The following DCST2 variants were observed in gnomAD, a reference collection of about 807,000 sequenced individuals.
The protein encoded by DCST2 is DC-STAMP domain containing 2.
A neutral mutation model predicts 81.8 loss-of-function variants in DCST2; 64 were observed. The observed-to-expected ratio is 0.78, with a 90% CI of 0.64 to 0.96. DCST2 has a LOEUF of 0.96. Ranked by LOEUF, DCST2 falls within the 40% of genes least tolerant of loss-of-function variation. The pLI is 0.00. For missense variants in DCST2, 945 were observed against 1,001.4 expected (o/e 0.94, Z 0.76); for synonymous variants, 354 against 402.6 (o/e 0.88, Z 1.44).
intron 3 of DCST2, among the ~76,000 whole-genome samples, chr1:155,032,298 C>CA (rs1302077872): frequency 1.4e-5 from 2 of 141,818 alleles, no homozygotes; most frequent in Non-Finnish European, 3.1e-5. Flanking sequence ...GGCCCCCCCG[C>CA]TTTTTTTTTT....
intron 1 of DCST2, 35 bp from the exon 2 acceptor site, chr1:155,033,299 A>G (rs772076442): frequency 1.3e-6 from 2 of 1,595,638 alleles, no homozygotes; most frequent in South Asian, 2.3e-5. Flanking sequence ...CCAAGACCCC[A>G]GCCCCAAACA....
At chr1:155,027,842 C>T (rs1016017218) in intron 8 of DCST2, among the ~76,000 whole-genome samples, 3 of 151,528 alleles carry the variant, frequency 2.0e-5, no homozygotes, top group South Asian at 2.1e-4. Context: ...GGATTACAGG[C>T]GTGAGCCACC....
At chr1:155,026,870 C>T in intron 8 of DCST2, 155 bp from the exon 9 acceptor site, 1 of 849,210 alleles carries the variant, frequency 1.2e-6, no homozygotes, top group Non-Finnish European at 1.8e-6. Context: ...CTCATGGTGC[C>T]CTGGGGCCTG....
chr1:155,028,348 T>G (rs1659970914), intron 8 of DCST2, among the ~76,000 whole-genome samples: 1 of 152,152 alleles, frequency 6.6e-6, no homozygotes, highest in African/African-American at 2.4e-5. Flanking sequence ...ACCAACACTT[T>G]GGAAGGCTGA....
intron 8 of DCST2, 75 bp from the exon 9 acceptor site, chr1:155,026,790 GA>G (rs956586700): frequency 2.5e-5 from 39 of 1,573,632 alleles, no homozygotes; most frequent in Non-Finnish European, 3.3e-5. Context: ...CTGGAATGAG[GA>G]AAGTGGAGCA....
At position 155,031,683 on chromosome 1, in the gene DCST2, T is replaced by G. The variant is rs1660089035; in HGVS notation, c.630A>C (p.Ala210=). ...SELGNPYLKC[A]RVFDDAKDSC... is the part of the protein sequence containing the mutation. ...TGTCCTTGGCATCATCGAAAACCCG[T>G]GCACACTTCAGGTAAGGGTTGCCCA... The change falls in exon 4 of 15, where the codon GCA becomes GCC. Residue 210 remains alanine, a synonymous_variant. Transcript: ENST00000368424. 15 of 1,614,072 alleles carry G rather than the reference T, an allele frequency of 9.3e-6. No homozygotes were observed. Among genetic ancestry groups the G allele is most frequent in the Non-Finnish European group, 1.3e-5 (15 of 1,180,056 alleles).
chr1:155,020,700 C>T (rs1246886520), intron 14 of DCST2, among the ~76,000 whole-genome samples: 1 of 152,142 alleles, frequency 6.6e-6, no homozygotes, highest in East Asian at 1.9e-4. Context: ...ACCCCTCAAC[C>T]CATCATGACA....
intron 10 of DCST2, among the ~76,000 whole-genome samples, chr1:155,025,102 G>A (rs12072336): frequency 2.2e-3 from 323 of 147,882 alleles, no homozygotes; most frequent in African/African-American, 7.6e-3. Context: ...AGCCGAGATC[G>A]TGTCATTGCA....
rs763088650 is a variant in DCST2, at chr1:155,030,480, G to C, written c.971C>G (p.Ala324Gly). 3 of 1,613,936 alleles carry C rather than the reference G, an allele frequency of 1.9e-6. No homozygotes were observed. In the Admixed American group the frequency reaches 5.0e-5, roughly 27 times the overall value. Reference protein sequence around the residue: ...MKLHRVREALALMGFTTPLLL... With the variant: ...MKLHRVREALGLMGFTTPLLL... Reference sequence around the variant, plus strand: ...CAGAGGCGTGGTGAAGCCCATCAGAGCCAGGGCCTCTCGGACACGGTGCAG... The same window carrying C: ...CAGAGGCGTGGTGAAGCCCATCAGACCCAGGGCCTCTCGGACACGGTGCAG... The change falls in exon 6 of 15, where the codon GCT (alanine) becomes GGT (glycine). Residue 324 changes from alanine (A) to glycine (G), a missense_variant. Physicochemically the swap from Ala to Gly is moderately conservative, Grantham distance 60. Coordinates refer to ENST00000368424, the MANE Select transcript of DCST2 (RefSeq NM_144622.3).
Position 155,023,155 on chromosome 1 carries a change from G to C in DCST2, c.2067C>G (p.Leu689=). ...WLLQQQLQEV[L]GRSLSMESTS... is the part of the protein sequence containing the mutation. ...TGGACTCCATTGAGAGGCTCCTGCC[G>C]AGCACTTCTTGGAGCTGTTGCTGCA... The change falls in exon 14 of 15, where the codon CTC becomes CTG. Residue 689 remains leucine (L), a synonymous_variant. Transcript: ENST00000368424. The C allele has an allele frequency of 6.2e-7, 1 of 1,613,796 alleles. No homozygotes were observed. The highest frequency in any genetic ancestry group is 8.5e-7 in the Non-Finnish European group (1 of 1,180,044).
intron 8 of DCST2, among the ~76,000 whole-genome samples, chr1:155,028,466 C>G (rs1474175764): frequency 6.6e-6 from 1 of 152,144 alleles, no homozygotes; most frequent in Non-Finnish European, 1.5e-5. Context: ...TGCCTGTAGT[C>G]CCAGCTACTT....
At chr1:155,021,898 A>G (rs1006055193) in intron 14 of DCST2, among the ~76,000 whole-genome samples, 8 of 146,254 alleles carry the variant, frequency 5.5e-5, no homozygotes, top group African/African-American at 2.1e-4. Context: ...GTCTCACTCT[A>G]TCATCCAGGC....
intron 5 of DCST2, 85 bp downstream of exon 5, chr1:155,031,084 G>T: frequency 7.2e-7 from 1 of 1,385,388 alleles, no homozygotes; most frequent in Non-Finnish European, 9.9e-7. Flanking sequence ...TGGGCTGGGA[G>T]CACTGGGGGC....
In DCST2 at chr1:155,023,853, A is replaced by AG. The variant is rs758279903; in HGVS notation, c.1848dup (p.Cys617LeufsTer44). 9 of 1,613,756 alleles carry AG rather than the reference A, an allele frequency of 5.6e-6. No homozygotes were observed. The highest frequency in any genetic ancestry group is 7.6e-6 in the Non-Finnish European group (9 of 1,179,948). ...TCACCTTGGCAGCCGGGGGTACTGC[A>AG]GGACACAGTGTTCTCCATGTCTCCC... On this transcript the variant is annotated frameshift_variant, in exon 12 of 15. Coordinates refer to ENST00000368424, the MANE Select transcript of DCST2 (RefSeq NM_144622.3). LOFTEE classifies it high-confidence loss of function.
intron 13 of DCST2, 27 bp from the exon 14 acceptor site, chr1:155,023,284 C>T (rs750141086): frequency 4.3e-6 from 7 of 1,613,844 alleles, no homozygotes; most frequent in Non-Finnish European, 5.9e-6. Context: ...TCTCAGTGGC[C>T]TGCAGACATC....
Position 155,023,103 on chromosome 1 carries a change from T to C in DCST2, c.2105+14A>G. 6.2e-7 allele frequency: 1 copy of C among 1,608,782 alleles called. No individual in the cohort carries two copies. The highest frequency in any genetic ancestry group is 8.5e-7 in the Non-Finnish European group (1 of 1,179,530). ...CTCACAATTCCCAGGTGCCAACTCC[T>C]GCTTCCTGCTCACCTGGACTCGGAA... On this transcript the variant is annotated intron_variant, in intron 14 of 14. Transcript: ENST00000368424.
chr1:155,033,295 C>A, intron 1 of DCST2, 31 bp from the exon 2 acceptor site: 2 of 1,596,860 alleles, frequency 1.3e-6, no homozygotes, highest in Non-Finnish European at 1.7e-6. Flanking sequence ...AGAACCAAGA[C>A]CCCAGCCCCA....
intron 12 of DCST2, 131 bp from the exon 13 acceptor site, chr1:155,023,588 G>A: frequency 1.9e-6 from 3 of 1,546,354 alleles, no homozygotes; most frequent in Non-Finnish European, 2.6e-6. Flanking sequence ...GTGCACACTA[G>A]GGAGCTGCTG....
Position 155,023,380 on chromosome 1 carries a change from C to A in DCST2, c.1948G>T (p.Asp650Tyr), listed in dbSNP as rs200302219. The change falls in exon 13 of 15, where the codon GAC becomes TAC. Residue 650 changes from aspartate to tyrosine, a missense_variant. Physicochemically the swap from Asp to Tyr is radical, Grantham distance 160. Coordinates refer to ENST00000368424, the MANE Select transcript of DCST2 (RefSeq NM_144622.3). ...VCASPLSYQG[D>Y]LDLELDSSDE... is the part of the protein sequence containing the mutation. ...AAGACTCACAGCTCCAGGTCCAGGTCCCCCTGGTAGGAGAGGGGAGATGCA... is the reference window on the plus strand; with the variant it reads ...AAGACTCACAGCTCCAGGTCCAGGTACCCCTGGTAGGAGAGGGGAGATGCA... The A allele has an allele frequency of 1.4e-5, 23 of 1,608,644 alleles. No homozygotes were observed. Among genetic ancestry groups the A allele is most frequent in the African/African-American group, 6.7e-5 (5 of 74,942 alleles).
Sources: allele counts gnomAD v4.1 joint callset (sites outside exome capture counted in the v4.1 genomes callset), GRCh38; gene constraint gnomAD v4.1.1; transcripts MANE v1.5; gene names NCBI Gene and HGNC (gene_info 2026-07-23, HGNC 2026-07-21).